Variants in L3MBTL3 observed in about 807,000 individuals in gnomAD.
The protein encoded by L3MBTL3 is lethal(3)malignant brain tumor-like protein 3.
L3MBTL3 carries 27 observed loss-of-function variants against 102.3 expected under a neutral mutation model. The observed-to-expected ratio is 0.26, with a 90% CI of 0.19 to 0.36. The LOEUF (loss-of-function observed/expected upper bound fraction) is 0.36, where lower values mean the gene tolerates loss of function less well. Among genes scored for constraint, L3MBTL3 ranks in the 10% least tolerant of loss-of-function variants. The probability of loss-of-function intolerance (pLI) is 1.00; values close to 1 mark genes in which losing one functional copy is unlikely to be tolerated. For synonymous variants in L3MBTL3, 340 were observed against 320.9 expected, an observed-to-expected ratio of 1.06 and a Z score of -0.64; for missense variants, 798 against 955.3, an observed-to-expected ratio of 0.84 and a Z score of 2.17.
At chr6:130,023,301 G>A (rs959395623) in intron 2 of L3MBTL3, among the ~76,000 whole-genome samples, 3 of 152,136 alleles carry the variant, frequency 2.0e-5, no homozygotes, top group African/African-American at 7.2e-5. Context: ...TGCTGCTTGT[G>A]GATCATTTTG....
rs1781201399 is a variant in L3MBTL3 at position 130,052,961 on chromosome 6, G to C, written c.552G>C (p.Lys184Asn). 6 of 1,613,540 alleles carry C rather than the reference G, an allele frequency of 3.7e-6. No homozygotes were observed. In the South Asian group the frequency reaches 5.5e-5, roughly 15 times the overall value. ...AATTATCTCTGAAAGCTGACACCAA[G>C]GAGGATGGAGAAGAGAGAGATGATG... ...KPKLSLKADTKEDGEERDDEM... is the reference protein window; with the variant it reads ...KPKLSLKADTNEDGEERDDEM... The change falls in exon 7 of 23, where the codon AAG becomes AAC. Residue 184 changes from lysine (K) to asparagine (N), a missense_variant. Physicochemically the swap from Lys to Asn is moderately conservative, Grantham distance 94. This residue lies in a region of L3MBTL3 where 434 missense variants were observed against 506.6 expected (regional missense o/e 0.86). Coordinates refer to ENST00000361794, the MANE Select transcript of L3MBTL3 (RefSeq NM_032438.4).
At position 130,092,272 on chromosome 6, in the gene L3MBTL3, T is replaced by A. The variant is rs187632745; in HGVS notation, c.1519-473T>A. On this transcript the variant is annotated intron_variant, in intron 16 of 22. Transcript: ENST00000361794. ...AATGTGTGTCTAGCAGGCTTTTTTT[T>A]AAATCATTTTCAACACAATTGCAGA... 2.1e-3 allele frequency among the ~76,000 whole-genome samples: 323 copies of A among 152,292 alleles called. 1 individual carries two copies. Among genetic ancestry groups the A allele is most frequent in the African/African-American group, 7.5e-3 (313 of 41,574 alleles).
At chr6:130,040,958 TAC>T (rs1284396698) in intron 2 of L3MBTL3, among the ~76,000 whole-genome samples, 8 of 152,246 alleles carry the variant, frequency 5.3e-5, no homozygotes, top group Non-Finnish European at 8.8e-5. Context: ...TGGCTGCTAC[TAC>T]AGTTGTTGCC....
At chr6:130,127,103 A>G (rs1309366615) in intron 20 of L3MBTL3, among the ~76,000 whole-genome samples, 2 of 152,210 alleles carry the variant, frequency 1.3e-5, no homozygotes, top group African/African-American at 4.8e-5. Flanking sequence ...TACTATGTAG[A>G]TAATGTCTCT....
At chr6:130,082,057 G>C (rs1004265105) in intron 14 of L3MBTL3, among the ~76,000 whole-genome samples, 8 of 152,172 alleles carry the variant, frequency 5.3e-5, no homozygotes. Flanking sequence ...TAGACATAGT[G>C]CTGTGTTCTC....
intron 14 of L3MBTL3, among the ~76,000 whole-genome samples, chr6:130,080,162 G>C (rs908119285): frequency 1.3e-5 from 2 of 151,920 alleles, no homozygotes; most frequent in Non-Finnish European, 2.9e-5. Context: ...ACTGAGGCAG[G>C]AGGATTGCTT....
intron 2 of L3MBTL3, among the ~76,000 whole-genome samples, chr6:130,030,952 A>G (rs374444163): frequency 6.6e-6 from 1 of 152,174 alleles, no homozygotes; most frequent in African/African-American, 2.4e-5. Context: ...ATTGTGCCCC[A>G]CCATGTTTGT....
At chr6:130,084,692 C>T (rs768748845) in intron 15 of L3MBTL3, among the ~76,000 whole-genome samples, 4 of 152,270 alleles carry the variant, frequency 2.6e-5, no homozygotes, top group East Asian at 1.9e-4. Flanking sequence ...TCACTTTAAA[C>T]GAATAAAATT....
At chr6:130,110,017 G>A (rs1227039708) in intron 19 of L3MBTL3, among the ~76,000 whole-genome samples, 2 of 152,138 alleles carry the variant, frequency 1.3e-5, no homozygotes, top group Admixed American at 1.3e-4. Context: ...TACATGTGTG[G>A]TGTTATTTCT....
At chr6:130,076,317 T>G (rs1782944996) in intron 13 of L3MBTL3, among the ~76,000 whole-genome samples, 1 of 152,214 alleles carries the variant, frequency 6.6e-6, no homozygotes, top group South Asian at 2.1e-4. Flanking sequence ...CATTAGTTTT[T>G]GTTTAGCTTT....
At chr6:130,138,465 C>T (rs932383149) in intron 22 of L3MBTL3, 2 of 152,230 alleles carry the variant, frequency 1.3e-5, no homozygotes, top group Non-Finnish European at 2.9e-5. Context: ...TGCCTTCCCT[C>T]TATATGTGTC....
chr6:130,040,188 T>G (rs1400808733), intron 2 of L3MBTL3, among the ~76,000 whole-genome samples: 2 of 151,546 alleles, frequency 1.3e-5, no homozygotes, highest in African/African-American at 2.4e-5. Flanking sequence ...ATTAGTCAGG[T>G]GTGGTGGTGG....
In L3MBTL3 at chr6:130,133,803, T is replaced by A; in HGVS notation, c.2137-40T>A. On this transcript the variant is annotated intron_variant, in intron 21 of 22. Coordinates refer to ENST00000361794, the MANE Select transcript of L3MBTL3 (RefSeq NM_032438.4). The surrounding 1 kb of genome is among the most constrained non-coding windows in gnomAD (Gnocchi z 4.9). ...GAACCTGTAGCATTTAGATTCTGAC[T>A]GTGTTTTTTAACTGGGAATTTTGAT... The A allele has an allele frequency of 6.4e-7, 1 of 1,556,234 alleles. No individual in the cohort carries two copies. The highest frequency in any genetic ancestry group is 8.9e-7 in the Non-Finnish European group (1 of 1,127,696).
chr6:130,125,324 T>C (rs936654469), intron 20 of L3MBTL3, among the ~76,000 whole-genome samples: 1 of 152,238 alleles, frequency 6.6e-6, no homozygotes, highest in Non-Finnish European at 1.5e-5. Context: ...CTTATTTTCC[T>C]GTGATTTCCT....
chr6:130,067,301 A>G (rs1162092690), intron 11 of L3MBTL3, among the ~76,000 whole-genome samples: 4 of 152,020 alleles, frequency 2.6e-5, no homozygotes, highest in Admixed American at 2.6e-4. Flanking sequence ...TTTATTAGAG[A>G]CAGAGCTTCA....
At chr6:130,086,070 C>CTTCTT in intron 15 of L3MBTL3, 70 bp from the exon 16 acceptor site, 1 of 1,067,260 alleles carries the variant, frequency 9.4e-7, no homozygotes, top group East Asian at 2.4e-5. Flanking sequence ...TCTTCTTCTT[C>CTTCTT]TTCTTTGTAA....
At chr6:130,096,184 G>A (rs1213731664) in intron 18 of L3MBTL3, among the ~76,000 whole-genome samples, 2 of 152,126 alleles carry the variant, frequency 1.3e-5, no homozygotes, top group East Asian at 1.9e-4. Context: ...CTTCCCAACT[G>A]GGGAGAAGGG....
At chr6:130,094,437 A>T (rs1476582475) in intron 18 of L3MBTL3, 70 bp downstream of exon 18, 3 of 904,646 alleles carry the variant, frequency 3.3e-6, no homozygotes, top group East Asian at 5.6e-5. Flanking sequence ...AATGAATTTC[A>T]TATATACTAA....
At chr6:130,091,195 C>T (rs73780247) in intron 16 of L3MBTL3, among the ~76,000 whole-genome samples, 2,978 of 152,228 alleles carry the variant, frequency 0.02, 110 homozygotes, top group African/African-American at 0.069. Context: ...GGCTGATCCA[C>T]TCTGTGATTA....
Sources: gnomAD v4.1 joint callset for allele counts (sites outside exome capture counted in the v4.1 genomes callset) on GRCh38, gnomAD v4.1.1 for gene constraint, gnomAD v4.1.1 regional missense constraint, Gnocchi (gnomAD v3.1) non-coding constraint, MANE v1.5 for transcripts, NCBI Gene and HGNC (gene_info 2026-07-23, HGNC 2026-07-21) for gene names.